ICE1: variants seen among roughly 807,000 people sequenced by gnomAD.
ICE1 encodes interactor of little elongation complex ELL subunit 1, also known as little elongation complex subunit 1.
ICE1 carries 64 observed loss-of-function variants against 192.7 expected under a neutral mutation model. The ratio of observed to expected loss-of-function variants is 0.33; its 90% CI spans 0.27 to 0.41. The LOEUF is 0.41. ICE1 is among the 10% of genes least tolerant of loss of function. ICE1 has a pLI of 1.00. For synonymous variants in ICE1, 1,010 were observed against 984.5 expected, an observed-to-expected ratio of 1.03 and a Z score of -0.49; for missense variants, 2,708 against 2,696.0, an observed-to-expected ratio of 1.00 and a Z score of -0.10.
chr5:5,450,269 A>G (rs1313937559), intron 10 of ICE1, among the ~76,000 whole-genome samples: 1 of 152,210 alleles, frequency 6.6e-6, no homozygotes, highest in Non-Finnish European at 1.5e-5. Context: ...TGAAAATTAA[A>G]AATCCAATTG....
intron 10 of ICE1, among the ~76,000 whole-genome samples, chr5:5,453,701 A>G (rs1394078705): frequency 1.3e-5 from 2 of 152,324 alleles, no homozygotes; most frequent in East Asian, 1.9e-4. Flanking sequence ...ATTCATAGTT[A>G]TATTTTCATA....
intron 13 of ICE1, 26 bp downstream of exon 13, chr5:5,465,252 C>A: frequency 1.4e-6 from 2 of 1,464,336 alleles, no homozygotes; most frequent in South Asian, 1.3e-5. Flanking sequence ...TTTCTAAGTG[C>A]ATTAGGGATT....
At chr5:5,443,465 T>C (rs1738109825) in intron 6 of ICE1, among the ~76,000 whole-genome samples, 1 of 152,160 alleles carries the variant, frequency 6.6e-6, no homozygotes, top group African/African-American at 2.4e-5. Context: ...TAAATTGTCA[T>C]ATGTTAAAGG....
Position 5,464,081 on chromosome 5 carries a change from G to A in ICE1, c.4747G>A (p.Val1583Ile). 1 of 1,613,622 alleles carries A rather than the reference G, an allele frequency of 6.2e-7. No homozygotes were observed. The highest frequency in any genetic ancestry group is 8.5e-7 in the Non-Finnish European group (1 of 1,179,890). ...CAGAGTTGAAACTCATCAGAGTGAA[G>A]TTGCTCAGTCATTTTCAGGGGAAAA... ...SSRVETHQSE[V>I]AQSFSGEKAN... is the part of the protein sequence containing the mutation. The change falls in exon 13 of 19, where the codon GTT (valine) becomes ATT (isoleucine). Residue 1583 changes from valine to isoleucine, a missense_variant. By Grantham distance (29) the Val-to-Ile change is conservative. This residue lies in a region of ICE1 where 2,366 missense variants were observed against 2,276.6 expected (regional missense o/e 1.04). Coordinates refer to ENST00000296564, the MANE Select transcript of ICE1 (RefSeq NM_015325.3). The surrounding 1 kb of genome is among the most constrained non-coding windows in gnomAD (Gnocchi z 4.0).
rs372482031 is a variant in ICE1, at chr5:5,463,087, C to T, written c.3753C>T (p.Leu1251=). 58 of 1,613,458 alleles carry T rather than the reference C, an allele frequency of 3.6e-5. No homozygotes were observed. In the African/African-American group the frequency reaches 6.9e-4, roughly 19 times the overall value. Residue 1251 remains leucine, a synonymous_variant, in exon 13 of 19, where the codon CTC becomes CTT. Coordinates refer to ENST00000296564, the MANE Select transcript of ICE1 (RefSeq NM_015325.3). ...ATTCGTTAAAAAATACAAGTCAGCT[C>T]ACTCAGTGTTCTTTGGAAACTCTGT... ...DDYSLKNTSQ[L]TQCSLETLSE...
chr5:5,476,136 C>A, intron 17 of ICE1, 57 bp downstream of exon 17: 1 of 951,988 alleles, frequency 1.1e-6, no homozygotes, highest in Non-Finnish European at 1.5e-6. Context: ...TGGTGGAAGG[C>A]TGGGGGGTTA....
At chr5:5,432,098 TCA>T (rs941113644) in intron 1 of ICE1, among the ~76,000 whole-genome samples, 1 of 152,176 alleles carries the variant, frequency 6.6e-6, no homozygotes, top group African/African-American at 2.4e-5. Flanking sequence ...TCAGTTCAAT[TCA>T]CAGAGTTGTG....
chr5:5,435,048 A>G (rs1312585531), intron 1 of ICE1, among the ~76,000 whole-genome samples: 1 of 152,220 alleles, frequency 6.6e-6, no homozygotes, highest in African/African-American at 2.4e-5. Context: ...CAGGAAAAAT[A>G]GAACTGTTTG....
intron 1 of ICE1, among the ~76,000 whole-genome samples, chr5:5,433,977 C>T (rs2111337287): frequency 6.6e-6 from 1 of 151,552 alleles, no homozygotes; most frequent in East Asian, 1.9e-4. Flanking sequence ...GAATTGAATC[C>T]TCAGTGTGTT....
chr5:5,475,823 T>A, intron 16 of ICE1, 150 bp from the exon 17 acceptor site: 1 of 607,218 alleles, frequency 1.6e-6, no homozygotes, highest in Non-Finnish European at 2.9e-6. Context: ...GGAGAAGATG[T>A]GAGCATCCAG....
chr5:5,445,482 G>C (rs1219930128), intron 7 of ICE1, among the ~76,000 whole-genome samples: 2 of 151,930 alleles, frequency 1.3e-5, no homozygotes, highest in African/African-American at 2.4e-5. Context: ...CACTCAGGCT[G>C]GACAGGTGGT....
chr5:5,464,506 A>C lies in ICE1; in HGVS notation c.5172A>C (p.Ala1724=). 1 of 1,613,872 alleles carries C rather than the reference A, an allele frequency of 6.2e-7. No homozygotes were observed. The highest frequency in any genetic ancestry group is 1.1e-5 in the South Asian group (1 of 91,078). ...TCTGTGCGGCCACGCCGAAGCACGC[A>C]CTTCCTGTGCCTGGCCGACTCCCAC... ...LQFCAATPKH[A]LPVPGRLPPC... Residue 1724 remains alanine (A), a synonymous_variant, in exon 13 of 19, where the codon GCA becomes GCC. Transcript: ENST00000296564. This position sits in a 1 kb window ranked among gnomAD's most constrained non-coding sequence, Gnocchi z 4.0.
chr5:5,434,298 T>C (rs1251848058), intron 1 of ICE1, among the ~76,000 whole-genome samples: 1 of 152,182 alleles, frequency 6.6e-6, no homozygotes, highest in Non-Finnish European at 1.5e-5. Context: ...TATTCAATAT[T>C]GTGCTGAAGC....
intron 5 of ICE1, 118 bp from the exon 6 acceptor site, chr5:5,443,048 CTA>C (rs1284863833): frequency 3.5e-6 from 2 of 576,236 alleles, no homozygotes; most frequent in African/African-American, 4.0e-5. Context: ...TATTCAGTGA[CTA>C]TTTTTTCTGC....
intron 1 of ICE1, among the ~76,000 whole-genome samples, chr5:5,427,958 C>G (rs899809274): frequency 1.3e-5 from 2 of 152,152 alleles, no homozygotes; most frequent in African/African-American, 4.8e-5. Context: ...TGCCACCTCT[C>G]TGAAGGCTTC....
intron 6 of ICE1, 43 bp from the exon 7 acceptor site, chr5:5,444,246 T>A: frequency 7.4e-7 from 1 of 1,357,996 alleles, no homozygotes. Flanking sequence ...TTTTTTCCTA[T>A]TCTCTCTTTC....
chr5:5,468,941 A>G lies in ICE1; in HGVS notation c.6175A>G (p.Lys2059Glu). 1 of 1,605,920 alleles carries G rather than the reference A, an allele frequency of 6.2e-7. No individual in the cohort carries two copies. The highest frequency in any genetic ancestry group is 1.1e-5 in the South Asian group (1 of 89,024). The change falls in exon 15 of 19, where the codon AAA becomes GAA. Residue 2059 changes from lysine to glutamate, a missense_variant. Physicochemically the swap from Lys to Glu is moderately conservative, Grantham distance 56 (BLOSUM62 1). Around this residue, in one of 2 missense-constraint regions of ICE1, gnomAD observed 342 missense variants for 419.3 expected, o/e 0.82. Transcript: ENST00000296564. ...AMQLVARQRA[K>E]GEVLNCLRAF... ...GCAGTTAGTTGCCAGGCAACGTGCT[A>G]AAGGAGAGGTTCTGAACTGCTTGAG...
In ICE1 at chr5:5,467,271, A is replaced by T. The variant is rs190427614; in HGVS notation, c.6061+769A>T. 9.4e-4 allele frequency among the ~76,000 whole-genome samples: 143 copies of T among 152,310 alleles called. 2 individuals are homozygous for T. The highest frequency in any genetic ancestry group is 1.2e-4 in the Non-Finnish European group (8 of 68,022). On this transcript the variant is annotated intron_variant, in intron 14 of 18. Coordinates refer to ENST00000296564, the MANE Select transcript of ICE1 (RefSeq NM_015325.3). ...AATGTTGGGATTTCTGTGGTGATTA[A>T]AATCAGATGGAGGTACACTTGTCCA...
At chr5:5,427,612 T>G (rs1737564190) in intron 1 of ICE1, among the ~76,000 whole-genome samples, 1 of 152,252 alleles carries the variant, frequency 6.6e-6, no homozygotes. Flanking sequence ...TGTGCTGGAC[T>G]CCCATTGATA....
Sources: allele counts gnomAD v4.1 joint callset (sites outside exome capture counted in the v4.1 genomes callset), GRCh38; gene constraint gnomAD v4.1.1; regional missense constraint gnomAD v4.1.1; non-coding constraint Gnocchi (gnomAD v3.1); transcripts MANE v1.5; gene names NCBI Gene and HGNC (gene_info 2026-07-23, HGNC 2026-07-21).